The following RASAL3 variants were observed in gnomAD, a reference collection of about 807,000 sequenced individuals.
The protein encoded by RASAL3 is RAS protein activator like 3, also known as RAS protein activator like-3.
A neutral mutation model predicts 105.5 loss-of-function variants in RASAL3; 74 were observed. The ratio of observed to expected loss-of-function variants is 0.70; its 90% CI spans 0.58 to 0.85. The LOEUF is 0.85. Ranked by LOEUF, RASAL3 falls within the 40% of genes least tolerant of loss-of-function variation. The pLI is 0.00. For missense variants in RASAL3, 1,352 were observed against 1,392.0 expected, an observed-to-expected ratio of 0.97 and a Z score of 0.46; for synonymous variants, 579 against 591.6, an observed-to-expected ratio of 0.98 and a Z score of 0.31.
rs1172515155 is a variant in RASAL3, at chr19:15,454,795, G to T, written c.1820C>A (p.Ser607Tyr). The T allele has an allele frequency of 4.4e-6, 7 of 1,598,796 alleles. No individual in the cohort carries two copies. The highest frequency in any genetic ancestry group is 6.0e-6 in the Non-Finnish European group (7 of 1,173,008). The change falls in exon 12 of 18, where the codon TCC becomes TAC. Residue 607 changes from serine (S) to tyrosine (Y), a missense_variant. This residue lies in a region of RASAL3 where 920 missense variants were observed against 919.6 expected (regional missense o/e 1.00). Transcript: ENST00000343625. ...EVLGPRLVCASLFLRLLCPAI... is the reference protein window; with the variant it reads ...EVLGPRLVCAYLFLRLLCPAI... ...AGGGCACAGGAGCCGCAGGAAGAGGGAGGCGCACACCAGTCGGGGGCCCAG... is the reference window on the plus strand; with the variant it reads ...AGGGCACAGGAGCCGCAGGAAGAGGTAGGCGCACACCAGTCGGGGGCCCAG...
rs369461607 is a variant in RASAL3, at chr19:15,461,278, C to T, written c.484G>A (p.Val162Met). The change falls in exon 4 of 18, where the codon GTG becomes ATG. Residue 162 changes from valine (V) to methionine (M), a missense_variant. Coordinates refer to ENST00000343625, the MANE Select transcript of RASAL3 (RefSeq NM_022904.3). ...GEEEGPRRPR[V>M]GSASSEGSIH... ...CTGCCCTCGGAGCTAGCACTTCCCA[C>T]CCGGGGCCTTCGAGGACCCTGTTCT... The T allele has an allele frequency of 5.9e-5, 96 of 1,613,620 alleles. 1 individual carries two copies. Among genetic ancestry groups the T allele is most frequent in the Non-Finnish European group, 7.8e-5 (92 of 1,179,838 alleles).
rs911384099 is a variant in RASAL3, at chr19:15,457,155, G to T, written c.1431+137C>A. The stretch of plus-strand genomic sequence containing the variant: ...GCCCCGCCGCTTACAGGTGACACTT[G>T]GACCACGCCCCTCACACCCCTTCAA... On this transcript the variant is annotated intron_variant, in intron 9 of 17. Transcript: ENST00000343625. This position sits in a 1 kb window ranked among gnomAD's most constrained non-coding sequence, Gnocchi z 8.6. 1.3e-6 allele frequency: 1 copy of T among 742,100 alleles called. No individual in the cohort carries two copies. The highest frequency in any genetic ancestry group is 1.9e-6 in the Non-Finnish European group (1 of 538,048). The allele number at this position is 742,100 out of a possible 1,614,324, so 46.0% of individuals were successfully genotyped here. A position where few individuals can be genotyped will look rare whatever the true frequency, so the allele number is the denominator to read the frequency against.
At position 15,454,417 on chromosome 19, in the gene RASAL3, G is replaced by A; in HGVS notation, c.2104C>T (p.Leu702Phe). Residue 702 changes from leucine (L) to phenylalanine (F), a missense_variant, in exon 13 of 18, where the codon CTC becomes TTC. By Grantham distance (22) the Leu-to-Phe change is conservative. Coordinates refer to ENST00000343625, the MANE Select transcript of RASAL3 (RefSeq NM_022904.3). The part of the protein sequence containing the change: ...SGYQGSGDLA[L>F]QLAVLHAQLC... ...TGGGCATGCAGGACAGCTAACTGGA[G>A]GGCCAGATCACCACTGCCCTGGTAA... The A allele has an allele frequency of 6.2e-7, 1 of 1,613,968 alleles. No homozygotes were observed. The highest frequency in any genetic ancestry group is 1.3e-5 in the African/African-American group (1 of 75,052).
chr19:15,457,473 GC>G lies in RASAL3; in HGVS notation c.1249del (p.Ala417ArgfsTer64). On this transcript the variant is annotated frameshift_variant, in exon 9 of 18. Coordinates refer to ENST00000343625, the MANE Select transcript of RASAL3 (RefSeq NM_022904.3). LOFTEE classifies it high-confidence loss of function. The surrounding 1 kb of genome is among the most constrained non-coding windows in gnomAD (Gnocchi z 8.6). ...LGAPAGAALRARIRARRLRVL... is the reference protein window; with the variant it reads ...LGAPAGAALRXRIRARRLRVL... ...GCGCAGGCGACGCGCCCGAATCCGC[GC>G]CCGCAGCGCTGCGCCCGCCGGCGCC... The G allele has an allele frequency of 1.5e-6, 2 of 1,305,464 alleles. No homozygotes were observed. The highest frequency in any genetic ancestry group is 2.0e-6 in the Non-Finnish European group (2 of 1,023,546). 80.9% of individuals were successfully genotyped at this position (1,305,464 alleles called of 1,614,324 possible).
chr19:15,452,398 C>T (rs907639534), intron 16 of RASAL3: 4 of 590,286 alleles, frequency 6.8e-6, no homozygotes, highest in Non-Finnish European at 1.2e-5. Flanking sequence ...GTGCCCGGCC[C>T]AGCCAGGTTG....
Position 15,464,182 on chromosome 19 carries a change from G to A in RASAL3, c.177C>T (p.Thr59=). ...GGAATATCGAGCGAGGGGCTGGCTGGGTGCTGACCATGGGCTCCTGGTGGC... is the reference window on the plus strand; with the variant it reads ...GGAATATCGAGCGAGGGGCTGGCTGAGTGCTGACCATGGGCTCCTGGTGGC... ...ALSHQEPMVS[T]QPAPRSIFRR... Residue 59 remains threonine (T), a synonymous_variant, in exon 2 of 18, where the codon ACC becomes ACT. Coordinates refer to ENST00000343625, the MANE Select transcript of RASAL3 (RefSeq NM_022904.3). 1 of 1,612,686 alleles carries A rather than the reference G, an allele frequency of 6.2e-7. No homozygotes were observed. The highest frequency in any genetic ancestry group is 8.5e-7 in the Non-Finnish European group (1 of 1,179,646).
Position 15,456,507 on chromosome 19 carries a change from G to T in RASAL3, c.1571C>A (p.Thr524Asn), listed in dbSNP as rs769569315. The change falls in exon 10 of 18, where the codon ACC becomes AAC. Residue 524 changes from threonine to asparagine, a missense_variant. Coordinates refer to ENST00000343625, the MANE Select transcript of RASAL3 (RefSeq NM_022904.3). The surrounding 1 kb of genome is among the most constrained non-coding windows in gnomAD (Gnocchi z 4.4). The stretch of plus-strand genomic sequence containing the variant: ...TGGACTCTCCCCCAGCTCACCCAGG[G>T]TCTCCTGGAGGTAATCCTGTGCCAC... ...KLVAQDYLQE[T>N]LGQVVRRLCA... is the part of the protein sequence containing the mutation. 3 of 1,613,704 alleles carry T rather than the reference G, an allele frequency of 1.9e-6. No individual in the cohort carries two copies. The South Asian group carries it at 3.3e-5, about 18-fold the overall frequency.
rs983166905 is a variant in RASAL3, at chr19:15,452,369, C to T, written c.2829-261G>A. 1.5e-5 allele frequency: 9 copies of T among 593,938 alleles called. 1 individual carries two copies. The highest frequency in any genetic ancestry group is 2.1e-5 in the Non-Finnish European group (7 of 333,564). The allele number at this position is 593,938 out of a possible 1,614,324, so 36.8% of individuals were successfully genotyped here. ...GGTCGTGACTGAGCTGGAGGGAGTG[C>T]CCAGGCTGAGATATCTCAGTGCCCG... On this transcript the variant is annotated intron_variant, in intron 16 of 17. Coordinates refer to ENST00000343625, the MANE Select transcript of RASAL3 (RefSeq NM_022904.3).
In RASAL3 at chr19:15,454,490, G is replaced by A; in HGVS notation, c.2031C>T (p.Cys677=). 1 of 1,614,014 alleles carries A rather than the reference G, an allele frequency of 6.2e-7. No individual in the cohort carries two copies. The highest frequency in any genetic ancestry group is 8.5e-7 in the Non-Finnish European group (1 of 1,179,886). The stretch of plus-strand genomic sequence containing the variant: ...CCACCATGGCTACCTGGTCCAGGAA[G>A]CATTGCATGGCTGGTCCATGTTCCT... ...FLEEHGPAMQ[C]FLDQVAMVDV... The change falls in exon 13 of 18, where the codon TGC becomes TGT. Residue 677 remains cysteine (C), a synonymous_variant. Transcript: ENST00000343625.
Position 15,457,960 on chromosome 19 carries a change from G to A in RASAL3, c.889-126C>T. ...TCCCTAGGGAGATTGCTGGGCCTTT[G>A]GGGAAAGAAGTGGAGCCACGGGAGT... On this transcript the variant is annotated intron_variant, in intron 8 of 17. Coordinates refer to ENST00000343625, the MANE Select transcript of RASAL3 (RefSeq NM_022904.3). The surrounding 1 kb of genome is among the most constrained non-coding windows in gnomAD (Gnocchi z 8.6). 8.7e-7 allele frequency: 1 copy of A among 1,147,826 alleles called. No homozygotes were observed. Among genetic ancestry groups the A allele is most frequent in the Non-Finnish European group, 1.2e-6 (1 of 819,986 alleles). 71.1% of individuals were successfully genotyped at this position (1,147,826 alleles called of 1,614,324 possible). A position where few individuals can be genotyped will look rare whatever the true frequency, so the allele number is the denominator to read the frequency against.
Position 15,456,235 on chromosome 19 carries a change from C to T in RASAL3, c.1590G>A (p.Arg530=), listed in dbSNP as rs777831986. The part of the protein sequence containing the change: ...YLQETLGQVV[R]RLCASTEDCE... ...AGTCCTCAGTAGAAGCACAGAGACGCCGCACAACCTGTCCTGCAGCCCAGC... is the reference window on the plus strand; with the variant it reads ...AGTCCTCAGTAGAAGCACAGAGACGTCGCACAACCTGTCCTGCAGCCCAGC... Residue 530 remains arginine (R), a synonymous_variant, in exon 11 of 18, where the codon CGG becomes CGA. Transcript: ENST00000343625. This position sits in a 1 kb window ranked among gnomAD's most constrained non-coding sequence, Gnocchi z 4.4. 2.5e-6 allele frequency: 4 copies of T among 1,613,624 alleles called. No individual in the cohort carries two copies. In the East Asian group the frequency reaches 8.9e-5, roughly 36 times the overall value.
At chr19:15,463,162 T>G (rs550226684) in intron 2 of RASAL3, among the ~76,000 whole-genome samples, 258 of 151,174 alleles carry the variant, frequency 1.7e-3, no homozygotes, top group African/African-American at 5.9e-3. Flanking sequence ...CTCAGCTCAC[T>G]GCAACCTCCA....
Position 15,459,164 on chromosome 19 carries a change from C to T in RASAL3, c.663-509G>A, listed in dbSNP as rs1970429456. Among the ~76,000 whole-genome samples, 3 of 151,662 alleles carry T rather than the reference C, an allele frequency of 2.0e-5. No individual in the cohort carries two copies. The South Asian group carries it at 6.3e-4, about 32-fold the overall frequency. On this transcript the variant is annotated intron_variant, in intron 6 of 17. Coordinates refer to ENST00000343625, the MANE Select transcript of RASAL3 (RefSeq NM_022904.3). ...ATGTTGGCCAGGCTGGTCTTGAACT[C>T]CTGATCCCAAGTGATCCACCCGCCT...
Position 15,457,672 on chromosome 19 carries a change from A to C in RASAL3, c.1051T>G (p.Trp351Gly), listed in dbSNP as rs1970369482. 1 of 1,449,422 alleles carries C rather than the reference A, an allele frequency of 6.9e-7. No individual in the cohort carries two copies. Among genetic ancestry groups the C allele is most frequent in the Non-Finnish European group, 9.1e-7 (1 of 1,103,162 alleles). 89.8% of individuals were successfully genotyped at this position (1,449,422 alleles called of 1,614,324 possible). A position where few individuals can be genotyped will look rare whatever the true frequency, so the allele number is the denominator to read the frequency against. ...GCCTCGAAGTGGAAGCGCTCGGCCCAGAAGAGCTGGCCTGGGCCGGCCCGA... is the reference window on the plus strand; with the variant it reads ...GCCTCGAAGTGGAAGCGCTCGGCCCCGAAGAGCTGGCCTGGGCCGGCCCGA... ...APRAGPGQLF[W>G]AERFHFEALP... The change falls in exon 9 of 18, where the codon TGG (tryptophan) becomes GGG (glycine). Residue 351 changes from tryptophan (W) to glycine (G), a missense_variant. Trp to Gly is a radical substitution (Grantham distance 184). Coordinates refer to ENST00000343625, the MANE Select transcript of RASAL3 (RefSeq NM_022904.3). The surrounding 1 kb of genome is among the most constrained non-coding windows in gnomAD (Gnocchi z 8.6).
chr19:15,457,572 G>A lies in RASAL3; in HGVS notation c.1151C>T (p.Ala384Val). 1 of 1,203,238 alleles carries A rather than the reference G, an allele frequency of 8.3e-7. No individual in the cohort carries two copies. 74.5% of individuals were successfully genotyped at this position (1,203,238 alleles called of 1,614,324 possible). ...GPGSAVLGRV[A>V]LALEELDAPR... ...GGCGTCCAGCTCCTCCAGCGCCAGG[G>A]CCACGCGGCCCAGCACCGCGCTTCC... The change falls in exon 9 of 18, where the codon GCC becomes GTC. Residue 384 changes from alanine to valine, a missense_variant. By Grantham distance (64) the Ala-to-Val change is moderately conservative. Around this residue, in one of 3 missense-constraint regions of RASAL3, gnomAD observed 920 missense variants for 919.6 expected, o/e 1.00. Transcript: ENST00000343625. This position sits in a 1 kb window ranked among gnomAD's most constrained non-coding sequence, Gnocchi z 8.6.
In RASAL3 at chr19:15,456,347, C is replaced by T. The variant is rs1970319152; in HGVS notation, c.1577-99G>A. On this transcript the variant is annotated intron_variant, in intron 10 of 17. Transcript: ENST00000343625. The surrounding 1 kb of genome is among the most constrained non-coding windows in gnomAD (Gnocchi z 4.4). ...GTCTTCAGGTTATTCCGGAGGCACC[C>T]AACATCTTGGGGAGCTCCCAATTGT... 2 of 1,547,636 alleles carry T rather than the reference C, an allele frequency of 1.3e-6. No individual in the cohort carries two copies. The highest frequency in any genetic ancestry group is 1.8e-6 in the Non-Finnish European group (2 of 1,142,210).
In RASAL3 at chr19:15,451,835, T is replaced by G; in HGVS notation, c.2996A>C (p.Gln999Pro). 1 of 1,606,196 alleles carries G rather than the reference T, an allele frequency of 6.2e-7. No individual in the cohort carries two copies. Among genetic ancestry groups the G allele is most frequent in the Non-Finnish European group, 8.5e-7 (1 of 1,174,324 alleles). The change falls in exon 18 of 18, where the codon CAG becomes CCG. Residue 999 changes from glutamine to proline, a missense_variant. By Grantham distance (76) the Gln-to-Pro change is moderately conservative. Around this residue, in one of 3 missense-constraint regions of RASAL3, gnomAD observed 920 missense variants for 919.6 expected, o/e 1.00. Coordinates refer to ENST00000343625, the MANE Select transcript of RASAL3 (RefSeq NM_022904.3). ...PRTRGSWSQP[Q>P]PLKAPCLNGD... ...ATTGAGGCAGGGTGCTTTGAGGGGC[T>G]GGGGTTGACTCCAAGACCCCCGCGT...
chr19:15,464,178 G>T lies in RASAL3; in HGVS notation c.181C>A (p.Pro61Thr). ...SHQEPMVSTQPAPRSIFRRVL... is the reference protein window; with the variant it reads ...SHQEPMVSTQTAPRSIFRRVL... ...CGACGGAATATCGAGCGAGGGGCTG[G>T]CTGGGTGCTGACCATGGGCTCCTGG... The change falls in exon 2 of 18, where the codon CCA becomes ACA. Residue 61 changes from proline (P) to threonine (T), a missense_variant. Pro to Thr is a conservative substitution (Grantham distance 38, BLOSUM62 -1). Around this residue, in one of 3 missense-constraint regions of RASAL3, gnomAD observed 344 missense variants for 339.6 expected, o/e 1.01. Coordinates refer to ENST00000343625, the MANE Select transcript of RASAL3 (RefSeq NM_022904.3). 6.2e-7 allele frequency: 1 copy of T among 1,612,682 alleles called. No individual in the cohort carries two copies. The highest frequency in any genetic ancestry group is 2.2e-5 in the East Asian group (1 of 44,830).
Position 15,457,696 on chromosome 19 carries a change from G to A in RASAL3, c.1027C>T (p.Arg343Trp), listed in dbSNP as rs1237178969. ...DGALLARTAP[R>W]AGPGQLFWAE... ...CAGAAGAGCTGGCCTGGGCCGGCCCGAGGCGCCGTGCGTGCCAGCAGCGCG... is the reference window on the plus strand; with the variant it reads ...CAGAAGAGCTGGCCTGGGCCGGCCCAAGGCGCCGTGCGTGCCAGCAGCGCG... The change falls in exon 9 of 18, where the codon CGG (arginine) becomes TGG (tryptophan). Residue 343 changes from arginine to tryptophan, a missense_variant. Physicochemically the swap from Arg to Trp is moderately radical, Grantham distance 101. Transcript: ENST00000343625. This position sits in a 1 kb window ranked among gnomAD's most constrained non-coding sequence, Gnocchi z 8.6. The A allele has an allele frequency of 3.4e-6, 5 of 1,464,220 alleles. No individual in the cohort carries two copies. Among genetic ancestry groups the A allele is most frequent in the Non-Finnish European group, 3.6e-6 (4 of 1,110,894 alleles). 90.7% of individuals were successfully genotyped at this position (1,464,220 alleles called of 1,614,324 possible).
Sources: gnomAD v4.1 joint callset for allele counts (sites outside exome capture counted in the v4.1 genomes callset) on GRCh38, gnomAD v4.1.1 for gene constraint, gnomAD v4.1.1 regional missense constraint, Gnocchi (gnomAD v3.1) non-coding constraint, MANE v1.5 for transcripts, NCBI Gene and HGNC (gene_info 2026-07-23, HGNC 2026-07-21) for gene names.